Variants in KHDRBS2 observed in about 807,000 individuals in gnomAD.
The protein encoded by KHDRBS2 is KH domain-containing, RNA-binding, signal transduction-associated protein 2.
A neutral mutation model predicts 44.3 loss-of-function variants in KHDRBS2; 26 were observed. That is an observed-to-expected ratio of 0.59 (90% CI 0.43 to 0.81). The LOEUF (loss-of-function observed/expected upper bound fraction) is 0.81, where lower values mean the gene tolerates loss of function less well. KHDRBS2 is among the 40% of genes least tolerant of loss of function. KHDRBS2 has a pLI of 0.00. For missense variants in KHDRBS2, 476 were observed against 433.1 expected (o/e 1.10, Z -0.88); for synonymous variants, 194 against 151.1 (o/e 1.28, Z -2.08).
chr6:62,259,596 A>T (rs1257855400), intron 1 of KHDRBS2, among the ~76,000 whole-genome samples: 1 of 152,002 alleles, frequency 6.6e-6, no homozygotes, highest in East Asian at 1.9e-4. Context: ...AGAATGGTTT[A>T]GATTCACTGA....
chr6:62,275,387 A>C (rs1333948793), intron 1 of KHDRBS2, among the ~76,000 whole-genome samples: 2 of 152,150 alleles, frequency 1.3e-5, no homozygotes, highest in Non-Finnish European at 2.9e-5. Context: ...ACTTTTTGCC[A>C]GAAAAAAAAC....
intron 1 of KHDRBS2, among the ~76,000 whole-genome samples, chr6:62,280,542 G>C (rs139429672): frequency 6.7e-4 from 102 of 152,290 alleles, no homozygotes; most frequent in African/African-American, 2.4e-3. Context: ...AGGGTCATCA[G>C]TTTCAGGACA....
At chr6:61,659,258 A>C in the KHDRBS2 span, 1 of 151,844 alleles carries the variant, frequency 6.6e-6, no homozygotes. Flanking sequence ...TGAGGTGCTG[A>C]GTAAGTCCCT....
chr6:62,217,542 A>G (rs1249444945), intron 1 of KHDRBS2, among the ~76,000 whole-genome samples: 1 of 151,872 alleles, frequency 6.6e-6, no homozygotes, highest in Non-Finnish European at 1.5e-5. Flanking sequence ...TTTATAAATT[A>G]GCAAAATACT....
intron 3 of KHDRBS2, among the ~76,000 whole-genome samples, chr6:61,992,606 T>A (rs183659266): frequency 5.8e-4 from 88 of 152,252 alleles, no homozygotes; most frequent in African/African-American, 1.7e-3. Context: ...TGTGTGTGTG[T>A]GTGTTTGTGC....
intron 3 of KHDRBS2, among the ~76,000 whole-genome samples, chr6:61,993,443 A>T (rs1010236819): frequency 6.6e-6 from 1 of 151,722 alleles, no homozygotes; most frequent in African/African-American, 2.4e-5. Flanking sequence ...TAGAACTGAT[A>T]ATTATAGAAG....
At chr6:61,552,639 A>T in the KHDRBS2 span, among the ~76,000 whole-genome samples, 1 of 152,020 alleles carries the variant, frequency 6.6e-6, no homozygotes, top group Non-Finnish European at 1.5e-5. Context: ...TGCATTTGTT[A>T]TATATATGTC....
intron 4 of KHDRBS2, among the ~76,000 whole-genome samples, chr6:61,953,549 C>G (rs954248401): frequency 2.0e-5 from 3 of 152,024 alleles, no homozygotes; most frequent in African/African-American, 7.3e-5. Context: ...TTTGACATAG[C>G]TGCTCCCTTC....
At chr6:62,236,343 A>T (rs925145022) in intron 1 of KHDRBS2, among the ~76,000 whole-genome samples, 4 of 152,078 alleles carry the variant, frequency 2.6e-5, no homozygotes, top group African/African-American at 9.6e-5. Context: ...TAATAAAACA[A>T]GAGAAATGAA....
At chr6:61,994,273 C>T (rs566056295) in intron 3 of KHDRBS2, among the ~76,000 whole-genome samples, 71 of 152,300 alleles carry the variant, frequency 4.7e-4, no homozygotes, top group Non-Finnish European at 8.2e-4. Flanking sequence ...CAAAGACTCC[C>T]TTTGACCAGA....
At chr6:62,093,126 T>C (rs1365681771) in intron 2 of KHDRBS2, among the ~76,000 whole-genome samples, 2 of 150,866 alleles carry the variant, frequency 1.3e-5, no homozygotes, top group African/African-American at 4.9e-5. Flanking sequence ...TAATTAGGCA[T>C]AAACTCATTA....
At chr6:61,930,237 G>A (rs1809753461) in intron 4 of KHDRBS2, among the ~76,000 whole-genome samples, 1 of 151,978 alleles carries the variant, frequency 6.6e-6, no homozygotes, top group African/African-American at 2.4e-5. Context: ...CAGGCTCCAG[G>A]ACAATGAGAA....
chr6:61,838,110 G>A (rs1445459340), intron 6 of KHDRBS2, among the ~76,000 whole-genome samples: 1 of 151,926 alleles, frequency 6.6e-6, no homozygotes, highest in Non-Finnish European at 1.5e-5. Flanking sequence ...CTTTGCTGTG[G>A]ATTTTTCCAT....
At chr6:62,111,375 C>A (rs145463463) in intron 2 of KHDRBS2, among the ~76,000 whole-genome samples, 1 of 152,034 alleles carries the variant, frequency 6.6e-6, no homozygotes, top group East Asian at 1.9e-4. Flanking sequence ...ATTCACTCAA[C>A]AAGTATTTTT....
intron 1 of KHDRBS2, among the ~76,000 whole-genome samples, chr6:62,228,371 C>G (rs1465962277): frequency 6.6e-6 from 1 of 151,652 alleles, no homozygotes; most frequent in Admixed American, 6.6e-5. Context: ...TGGTGATATC[C>G]CCTTTATCAT....
At chr6:61,667,405 A>G in the KHDRBS2 span, among the ~76,000 whole-genome samples, 1 of 151,292 alleles carries the variant, frequency 6.6e-6, no homozygotes, top group Non-Finnish European at 1.5e-5. Flanking sequence ...CAATTTATCA[A>G]AAATCATAAA....
intron 2 of KHDRBS2, among the ~76,000 whole-genome samples, chr6:62,151,444 C>A (rs1453486926): frequency 6.6e-6 from 1 of 152,104 alleles, no homozygotes; most frequent in Non-Finnish European, 1.5e-5. Flanking sequence ...ATAGTGCTGG[C>A]TCTATATTTA....
At chr6:61,970,578 C>G (rs1771163912) in intron 4 of KHDRBS2, among the ~76,000 whole-genome samples, 1 of 152,104 alleles carries the variant, frequency 6.6e-6, no homozygotes, top group African/African-American at 2.4e-5. Flanking sequence ...TGTGAGAACT[C>G]TGAACACATC....
chr6:61,623,962 A>G, the KHDRBS2 span, among the ~76,000 whole-genome samples: 1 of 152,182 alleles, frequency 6.6e-6, no homozygotes, highest in African/African-American at 2.4e-5. Context: ...TTTGTAGGAG[A>G]GGAAGAGTGT....
Sources: gnomAD v4.1 joint callset for allele counts (sites outside exome capture counted in the v4.1 genomes callset) on GRCh38, gnomAD v4.1.1 for gene constraint, MANE v1.5 for transcripts, NCBI Gene and HGNC (gene_info 2026-07-23, HGNC 2026-07-21) for gene names.